The following AATF variants were observed in gnomAD, a reference collection of about 807,000 sequenced individuals.
The protein encoded by AATF is apoptosis antagonizing transcription factor.
A neutral mutation model predicts 63.7 loss-of-function variants in AATF; 48 were observed. The ratio of observed to expected loss-of-function variants is 0.75; its 90% CI spans 0.60 to 0.96. AATF has a LOEUF of 0.96. Among genes scored for constraint, AATF ranks in the 40% least tolerant of loss-of-function variants. The pLI, the probability that AATF is intolerant of heterozygous loss-of-function variation, is 0.00. For missense variants in AATF, 639 were observed against 685.7 expected (o/e 0.93, Z 0.76); for synonymous variants, 258 against 247.7 (o/e 1.04, Z -0.39).
chr17:37,042,431 A>T (rs1444322548), intron 11 of AATF, among the ~76,000 whole-genome samples: 1 of 150,400 alleles, frequency 6.6e-6, no homozygotes, highest in East Asian at 1.9e-4. Flanking sequence ...TTTTTTTAAC[A>T]AAAGACAAGG....
intron 3 of AATF, 48 bp downstream of exon 3, chr17:36,953,344 T>G (rs78698928): frequency 0.021 from 32,822 of 1,573,938 alleles, 413 homozygotes; most frequent in Non-Finnish European, 0.024. Context: ...GTATCTGCAT[T>G]TGGTCTACTT....
At chr17:36,963,538 C>T (rs760879842) in intron 4 of AATF, among the ~76,000 whole-genome samples, 1 of 152,186 alleles carries the variant, frequency 6.6e-6, no homozygotes, top group Non-Finnish European at 1.5e-5. Context: ...AACCCAACTG[C>T]TGCATAAGAT....
At chr17:37,028,312 G>T (rs2071525909) in intron 10 of AATF, among the ~76,000 whole-genome samples, 1 of 152,170 alleles carries the variant, frequency 6.6e-6, no homozygotes, top group African/African-American at 2.4e-5. Context: ...CAGCTCCTTG[G>T]TGGTGGTCGG....
intron 9 of AATF, among the ~76,000 whole-genome samples, chr17:37,020,597 T>C (rs1240461565): frequency 1.3e-5 from 2 of 152,230 alleles, no homozygotes; most frequent in African/African-American, 4.8e-5. Flanking sequence ...CAGAACATGC[T>C]GCATAGCTAA....
In AATF at chr17:36,986,734, A is replaced by G; in HGVS notation, c.947+3A>G. 1.9e-6 allele frequency: 3 copies of G among 1,606,184 alleles called. No individual in the cohort carries two copies. Among genetic ancestry groups the G allele is most frequent in the Non-Finnish European group, 1.7e-6 (2 of 1,172,828 alleles). On this transcript the variant is annotated splice_donor_region_variant and intron_variant, in intron 5 of 11. Transcript: ENST00000619387. ...GGGACAAAGCCCAATGCGGGAAGGTAAGAGAACAGAATCATGGAGTTGCTT... is the reference window on the plus strand; with the variant it reads ...GGGACAAAGCCCAATGCGGGAAGGTGAGAGAACAGAATCATGGAGTTGCTT...
chr17:37,032,668 T>TA (rs1322593425), intron 11 of AATF, among the ~76,000 whole-genome samples: 10 of 152,238 alleles, frequency 6.6e-5, no homozygotes. Flanking sequence ...TTTAACATCT[T>TA]ACAGCATTTC....
rs2070931952 is a variant in AATF, at chr17:36,959,816, C to G, written c.832+5909C>G. Among the ~76,000 whole-genome samples, 8 of 152,196 alleles carry G rather than the reference C, an allele frequency of 5.3e-5. No individual in the cohort carries two copies. In the South Asian group the frequency reaches 1.7e-3, roughly 32 times the overall value. On this transcript the variant is annotated intron_variant, in intron 4 of 11. Coordinates refer to ENST00000619387, the MANE Select transcript of AATF (RefSeq NM_012138.4). ...TTGATATTTCCCGTAAGCAAAACAT[C>G]CAAGAACACAGCATAATGTAATATA...
chr17:36,950,337 G>A lies in AATF; in HGVS notation c.215G>A (p.Cys72Tyr). ...CTCTTGGACACGGACAAAAGGTATT[G>A]CGGCAAAACCACCTCTAGAAAAGCA... ...ASLLDTDKRY[C>Y]GKTTSRKAWN... The change falls in exon 2 of 12, where the codon TGC (cysteine) becomes TAC (tyrosine). Residue 72 changes from cysteine to tyrosine, a missense_variant. By Grantham distance (194) the Cys-to-Tyr change is radical. Transcript: ENST00000619387. 3.1e-6 allele frequency: 5 copies of A among 1,614,184 alleles called. No homozygotes were observed. The highest frequency in any genetic ancestry group is 4.2e-6 in the Non-Finnish European group (5 of 1,180,026).
chr17:37,004,991 G>A (rs73985332), intron 8 of AATF, among the ~76,000 whole-genome samples: 5,744 of 152,256 alleles, frequency 0.038, 367 homozygotes, highest in African/African-American at 0.13. Context: ...CTGAAAACTC[G>A]TAGTTTTGTT....
intron 4 of AATF, among the ~76,000 whole-genome samples, chr17:36,979,356 A>G (rs1446122658): frequency 2.6e-5 from 4 of 152,218 alleles, no homozygotes; most frequent in Non-Finnish European, 4.4e-5. Context: ...AAGCAAAGCA[A>G]AGGATTTGCT....
intron 4 of AATF, among the ~76,000 whole-genome samples, chr17:36,968,075 C>T (rs749147064): frequency 1.3e-4 from 19 of 151,492 alleles, no homozygotes; most frequent in East Asian, 1.9e-4. Flanking sequence ...TGTTTCCTTT[C>T]TCTCTGTCCT....
intron 8 of AATF, among the ~76,000 whole-genome samples, chr17:37,011,928 T>A (rs2071394485): frequency 6.6e-6 from 1 of 152,206 alleles, no homozygotes; most frequent in African/African-American, 2.4e-5. Flanking sequence ...TAGGTCATTT[T>A]GTGCCAATTT....
At chr17:36,979,107 G>A (rs551570540) in intron 4 of AATF, among the ~76,000 whole-genome samples, 11 of 152,030 alleles carry the variant, frequency 7.2e-5, no homozygotes, top group South Asian at 6.2e-4. Context: ...CTAGCAAGTC[G>A]GGCCTGAAAT....
intron 4 of AATF, among the ~76,000 whole-genome samples, chr17:36,982,497 G>A (rs1332616262): frequency 6.6e-6 from 1 of 152,074 alleles, no homozygotes; most frequent in Non-Finnish European, 1.5e-5. Flanking sequence ...GGGACTACAG[G>A]CACGTGCCAC....
chr17:36,949,601 T>A (rs2070836697), intron 1 of AATF, among the ~76,000 whole-genome samples: 1 of 152,246 alleles, frequency 6.6e-6, no homozygotes, highest in South Asian at 2.1e-4. Flanking sequence ...TGTTTTTAAT[T>A]CAGGTTGCCC....
chr17:36,989,184 C>T (rs753508502), intron 6 of AATF, 63 bp from the exon 7 acceptor site: 3 of 1,513,514 alleles, frequency 2.0e-6, no homozygotes, highest in Admixed American at 3.8e-5. Context: ...ATAGAGAAAC[C>T]AATGTAGCTT....
chr17:37,011,958 G>A (rs536852749), intron 8 of AATF, among the ~76,000 whole-genome samples: 1 of 152,230 alleles, frequency 6.6e-6, no homozygotes, highest in South Asian at 2.1e-4. Flanking sequence ...GGAAGGTATA[G>A]TAATTCCTTC....
intron 11 of AATF, chr17:37,045,762 C>T (rs2071684515): frequency 6.6e-6 from 1 of 152,170 alleles, no homozygotes; most frequent in Admixed American, 6.5e-5. Flanking sequence ...TTTTTAGAGC[C>T]AATCGTATAA....
intron 4 of AATF, among the ~76,000 whole-genome samples, chr17:36,967,694 G>A (rs559310158): frequency 5.3e-5 from 8 of 152,236 alleles, no homozygotes; most frequent in Admixed American, 1.3e-4. Flanking sequence ...TGCTGAGAAG[G>A]GGTGTGTGGG....
Sources: allele counts gnomAD v4.1 joint callset (sites outside exome capture counted in the v4.1 genomes callset), GRCh38; gene constraint gnomAD v4.1.1; transcripts MANE v1.5; gene names NCBI Gene and HGNC (gene_info 2026-07-23, HGNC 2026-07-21).